Variants in SCRG1 observed in about 807,000 individuals in gnomAD.
The protein encoded by SCRG1 is stimulator of chondrogenesis 1.
In SCRG1, 3 loss-of-function variants were observed where a neutral mutation model predicts 7.7. That is an observed-to-expected ratio of 0.39 (90% confidence interval 0.18 to 1.01). The LOEUF (loss-of-function observed/expected upper bound fraction) is 1.01, where lower values mean the gene tolerates loss of function less well. Among genes scored for constraint, SCRG1 ranks in the 50% least tolerant of loss-of-function variants. The pLI is 0.36. For synonymous variants in SCRG1, 46 were observed against 41.2 expected, an observed-to-expected ratio of 1.12 and a Z score of -0.44; for missense variants, 110 against 117.2, an observed-to-expected ratio of 0.94 and a Z score of 0.28.
At chr4:173,446,424 T>C in the SCRG1 span, among the ~76,000 whole-genome samples, 4 of 152,212 alleles carry the variant, frequency 2.6e-5, no homozygotes. Flanking sequence ...CCAATTTTAA[T>C]GAAGAATGGT....
chr4:173,421,293 G>C, the SCRG1 span, among the ~76,000 whole-genome samples: 3 of 152,182 alleles, frequency 2.0e-5, no homozygotes, highest in Non-Finnish European at 4.4e-5. Context: ...ACTCCTTGAA[G>C]TGAACAATGT....
the SCRG1 span, among the ~76,000 whole-genome samples, chr4:173,438,350 C>T: frequency 2.0e-5 from 3 of 151,820 alleles, no homozygotes; most frequent in South Asian, 2.1e-4. Context: ...CTCGAAATCC[C>T]GGGCTCAAGC....
chr4:173,515,118 G>A, the SCRG1 span, among the ~76,000 whole-genome samples: 237 of 152,276 alleles, frequency 1.6e-3, 1 homozygote, highest in African/African-American at 5.3e-3. The surrounding 1 kb of genome is among the most constrained non-coding windows in gnomAD (Gnocchi z 4.6). Flanking sequence ...GCAACTGGGG[G>A]AAACGGTGGG....
the SCRG1 span, among the ~76,000 whole-genome samples, chr4:173,467,496 G>A: frequency 1.3e-5 from 2 of 152,180 alleles, no homozygotes; most frequent in Non-Finnish European, 2.9e-5. Flanking sequence ...GACTGAACAT[G>A]AGGACAAAAA....
At chr4:173,417,151 GAC>G in the SCRG1 span, among the ~76,000 whole-genome samples, 86 of 150,410 alleles carry the variant, frequency 5.7e-4, no homozygotes, top group East Asian at 1.4e-3. Flanking sequence ...CAGACAGACA[GAC>G]ACACACACAC....
At chr4:173,450,417 G>A in the SCRG1 span, among the ~76,000 whole-genome samples, 1 of 152,156 alleles carries the variant, frequency 6.6e-6, no homozygotes, top group Non-Finnish European at 1.5e-5. Context: ...GCCTGATCCT[G>A]GGCGTTCCTG....
the SCRG1 span, among the ~76,000 whole-genome samples, chr4:173,506,069 G>C: frequency 2.0e-5 from 3 of 152,320 alleles, no homozygotes; most frequent in East Asian, 5.8e-4. This position sits in a 1 kb window ranked among gnomAD's most constrained non-coding sequence, Gnocchi z 5.3. Flanking sequence ...GGTGTGAGTA[G>C]ACACTGAAGC....
At chr4:173,424,342 A>C in the SCRG1 span, among the ~76,000 whole-genome samples, 1 of 152,252 alleles carries the variant, frequency 6.6e-6, no homozygotes, top group Admixed American at 6.5e-5. Context: ...TGGCAAAACT[A>C]TGATATAAAA....
chr4:173,513,665 C>T, the SCRG1 span, among the ~76,000 whole-genome samples: 4 of 152,222 alleles, frequency 2.6e-5, no homozygotes, highest in African/African-American at 7.2e-5. Context: ...TGGAATCTCA[C>T]ACCTTGCCCA....
At chr4:173,514,474 C>T in the SCRG1 span, among the ~76,000 whole-genome samples, 1 of 152,316 alleles carries the variant, frequency 6.6e-6, no homozygotes, top group South Asian at 2.1e-4. Flanking sequence ...GCAGCCTGAG[C>T]AATTTTCTCC....
At chr4:173,433,457 G>T in the SCRG1 span, among the ~76,000 whole-genome samples, 4 of 152,192 alleles carry the variant, frequency 2.6e-5, no homozygotes, top group Non-Finnish European at 5.9e-5. Flanking sequence ...TGACCCAAGA[G>T]ATTGTCTGAT....
At chr4:173,500,222 G>A in the SCRG1 span, among the ~76,000 whole-genome samples, 1 of 152,188 alleles carries the variant, frequency 6.6e-6, no homozygotes, top group Non-Finnish European at 1.5e-5. Context: ...TGTTTCCTGC[G>A]TCACGGAAAC....
chr4:173,474,375 G>T, the SCRG1 span, among the ~76,000 whole-genome samples: 1 of 152,024 alleles, frequency 6.6e-6, no homozygotes, highest in Admixed American at 6.6e-5. Context: ...CACTTTTCAG[G>T]AATTGAACCA....
chr4:173,454,089 A>AT, the SCRG1 span, among the ~76,000 whole-genome samples: 4 of 151,720 alleles, frequency 2.6e-5, no homozygotes, highest in African/African-American at 9.7e-5. Flanking sequence ...AAAAAAAAAA[A>AT]AAAAGAACTG....
chr4:173,435,503 A>G, the SCRG1 span, among the ~76,000 whole-genome samples: 1 of 152,312 alleles, frequency 6.6e-6, no homozygotes, highest in South Asian at 2.1e-4. Flanking sequence ...TTCACTCATC[A>G]GTGATTTTCC....
the SCRG1 span, chr4:173,469,860 T>G: frequency 3.9e-5 from 6 of 152,320 alleles, no homozygotes; most frequent in Admixed American, 3.9e-4. Context: ...TCAAGGTTAC[T>G]TATTCCACTA....
chr4:173,476,359 A>ATATAT, the SCRG1 span, among the ~76,000 whole-genome samples: 10 of 24,278 alleles, frequency 4.1e-4, no homozygotes, highest in Non-Finnish European at 8.2e-4. Flanking sequence ...AGGGGGAAAA[A>ATATAT]AAAAATATAT....
the SCRG1 span, among the ~76,000 whole-genome samples, chr4:173,463,269 A>ACTAT: frequency 6.6e-6 from 1 of 151,878 alleles, no homozygotes; most frequent in Non-Finnish European, 1.5e-5. Flanking sequence ...TTTTGTTTTT[A>ACTAT]TTATTTATTT....
At chr4:173,429,382 T>C in the SCRG1 span, among the ~76,000 whole-genome samples, 1 of 152,146 alleles carries the variant, frequency 6.6e-6, no homozygotes, top group Non-Finnish European at 1.5e-5. Context: ...ACTTTCAAAC[T>C]CTTGGGCTCA....
Sources: allele counts gnomAD v4.1 joint callset (sites outside exome capture counted in the v4.1 genomes callset), GRCh38; gene constraint gnomAD v4.1.1; non-coding constraint Gnocchi (gnomAD v3.1); transcripts MANE v1.5; gene names NCBI Gene and HGNC (gene_info 2026-07-23, HGNC 2026-07-21).